ZNF518A: variants seen among roughly 807,000 people sequenced by gnomAD.
ZNF518A encodes zinc finger protein 518.
ZNF518A carries 47 observed loss-of-function variants against 102.7 expected under a neutral mutation model. The observed-to-expected ratio is 0.46, with a 90% confidence interval of 0.36 to 0.58. The LOEUF is 0.58. Ranked by LOEUF, ZNF518A falls within the 20% of genes least tolerant of loss-of-function variation. The pLI, the probability that ZNF518A is intolerant of heterozygous loss-of-function variation, is 0.00. For missense variants in ZNF518A, 1,793 were observed against 1,699.8 expected, an observed-to-expected ratio of 1.05 and a Z score of -0.96; for synonymous variants, 652 against 594.6, an observed-to-expected ratio of 1.10 and a Z score of -1.40.
intron 1 of ZNF518A, among the ~76,000 whole-genome samples, chr10:96,190,801 C>T (rs1554893184): frequency 1.3e-5 from 2 of 152,134 alleles, no homozygotes; most frequent in South Asian, 2.1e-4. Flanking sequence ...TGATCTAAGA[C>T]CTTGGACCTG....
At chr10:96,132,326 C>G (rs1431894818) in intron 1 of ZNF518A, among the ~76,000 whole-genome samples, 1 of 151,624 alleles carries the variant, frequency 6.6e-6, no homozygotes, top group African/African-American at 2.4e-5. Context: ...AGTTTTGTGA[C>G]TTTGGGCAAG....
chr10:96,191,957 TC>T, intron 1 of ZNF518A: 1 of 1,613,536 alleles, frequency 6.2e-7, no homozygotes, highest in Non-Finnish European at 8.5e-7. Context: ...ATGGTATTGA[TC>T]TTTTTTTTCC....
Position 96,141,742 on chromosome 10 carries a change from T to G in ZNF518A, c.-302+8094T>G, listed in dbSNP as rs587630835. On this transcript the variant is annotated intron_variant, in intron 3 of 5. Coordinates refer to ENST00000316045, the MANE Select transcript of ZNF518A (RefSeq NM_001330736.2). ...ATTTAACCCTACATTTCTTTTTTTC[T>G]TCTTCATTTTTTTTTTTTTTTTTGA... is the stretch of plus-strand genomic sequence containing the variant. Among the ~76,000 whole-genome samples the G allele has an allele frequency of 3.9e-5, 5 of 126,618 alleles. No individual in the cohort carries two copies. The East Asian group carries it at 1.3e-3, about 33-fold the overall frequency. 83.1% of individuals were successfully genotyped at this position (126,618 alleles called of 152,430 possible). A position where few individuals can be genotyped will look rare whatever the true frequency, so the allele number is the denominator to read the frequency against.
rs587714307 is a variant in ZNF518A at position 96,157,346 on chromosome 10, G to C, written c.1024G>C (p.Glu342Gln). The change falls in exon 6 of 6, where the codon GAA becomes CAA. Residue 342 changes from glutamate to glutamine, a missense_variant. Physicochemically the swap from Glu to Gln is conservative, Grantham distance 29. Around this residue, in one of 3 missense-constraint regions of ZNF518A, gnomAD observed 1,741 missense variants for 1,622.6 expected, o/e 1.07. Coordinates refer to ENST00000316045, the MANE Select transcript of ZNF518A (RefSeq NM_001330736.2). The stretch of plus-strand genomic sequence containing the variant: ...TAACAGTGGAAGTGACAGAAGTATA[G>C]AAAAGAACACTCAAGTGCTTAAGAA... The part of the protein sequence containing the change: ...KINSGSDRSI[E>Q]KNTQVLKKMN... 5 of 1,610,854 alleles carry C rather than the reference G, an allele frequency of 3.1e-6. No individual in the cohort carries two copies. In the East Asian group the frequency reaches 1.1e-4, roughly 36 times the overall value.
At chr10:96,166,700 G>C (rs2083143347), downstream of ZNF518A, among the ~76,000 whole-genome samples, 1 of 152,124 alleles carries the variant, frequency 6.6e-6, no homozygotes, top group Non-Finnish European at 1.5e-5. Context: ...CCGGGAGGCG[G>C]AACTTGCAGT....
intron 3 of ZNF518A, among the ~76,000 whole-genome samples, chr10:96,152,376 A>G (rs1350423878): frequency 6.6e-6 from 1 of 152,236 alleles, no homozygotes; most frequent in African/African-American, 2.4e-5. Context: ...TAAAAAGAGC[A>G]TTAGCTCATA....
intron 1 of ZNF518A, chr10:96,189,472 C>T: frequency 3.2e-6 from 2 of 630,364 alleles, no homozygotes; most frequent in Non-Finnish European, 5.9e-6. Flanking sequence ...AGAGAACCAC[C>T]TTTTTCTATA....
At chr10:96,148,961 C>T (rs928602548) in intron 3 of ZNF518A, among the ~76,000 whole-genome samples, 6 of 152,184 alleles carry the variant, frequency 3.9e-5, no homozygotes, top group African/African-American at 1.4e-4. Flanking sequence ...GTGATCTGCC[C>T]GCCTCGGCCT....
chr10:96,136,805 C>T (rs1554874629), intron 3 of ZNF518A, among the ~76,000 whole-genome samples: 1 of 152,194 alleles, frequency 6.6e-6, no homozygotes, highest in Non-Finnish European at 1.5e-5. Flanking sequence ...TTCCTATGTC[C>T]TTGCCTACCT....
intron 1 of ZNF518A, among the ~76,000 whole-genome samples, chr10:96,174,675 T>TACATTAGTAA (rs2083192877): frequency 6.6e-6 from 1 of 151,898 alleles, no homozygotes; most frequent in Admixed American, 6.6e-5. Context: ...ACCACAAAAA[T>TACATTAGTAA]TGTAAGAAAA....
chr10:96,201,019 A>AG, intron 1 of ZNF518A: 4 of 1,614,146 alleles, frequency 2.5e-6, no homozygotes, highest in Non-Finnish European at 3.4e-6. Context: ...AAAGCTGGGT[A>AG]GGGGCCCATC....
chr10:96,149,113 A>G (rs1286369898), intron 3 of ZNF518A, among the ~76,000 whole-genome samples: 1 of 152,246 alleles, frequency 6.6e-6, no homozygotes, highest in African/African-American at 2.4e-5. Flanking sequence ...AAATGAAGAC[A>G]TACAAAACAT....
chr10:96,204,732 G>T, downstream of ZNF518A: 2 of 885,830 alleles, frequency 2.3e-6, no homozygotes, highest in Non-Finnish European at 1.8e-6. Context: ...CCGGGAACAT[G>T]TCTTAGTTAC....
chr10:96,139,552 T>C (rs1554875746), intron 3 of ZNF518A, among the ~76,000 whole-genome samples: 1 of 152,138 alleles, frequency 6.6e-6, no homozygotes, highest in African/African-American at 2.4e-5. Flanking sequence ...ATCTTAGACT[T>C]CCTAGGCTTC....
At chr10:96,132,941 T>A (rs1252981479) in intron 2 of ZNF518A, 1 of 152,042 alleles carries the variant, frequency 6.6e-6, no homozygotes, top group East Asian at 2.0e-4. Context: ...AATGAAACCC[T>A]TCTGTTCCCA....
intron 3 of ZNF518A, among the ~76,000 whole-genome samples, chr10:96,142,795 T>G (rs907757846): frequency 6.6e-6 from 1 of 151,764 alleles, no homozygotes; most frequent in Non-Finnish European, 1.5e-5. Context: ...CCGGACCCAA[T>G]GTGTGATTTC....
chr10:96,147,719 T>C (rs927668994), intron 3 of ZNF518A, among the ~76,000 whole-genome samples: 10 of 152,336 alleles, frequency 6.6e-5, no homozygotes, highest in African/African-American at 2.4e-4. Flanking sequence ...TCTGACCTTT[T>C]TTGTTTCTAT....
At chr10:96,191,950 G>A (rs782710142) in intron 1 of ZNF518A, 9 of 1,613,140 alleles carry the variant, frequency 5.6e-6, no homozygotes, top group Non-Finnish European at 7.6e-6. Context: ...TGAAGCAATG[G>A]TATTGATCTT....
rs782649051 is a variant in ZNF518A at position 96,158,140 on chromosome 10, A to G, written c.1818A>G (p.Lys606=). The change falls in exon 6 of 6, where the codon AAA becomes AAG. Residue 606 remains lysine (K), a synonymous_variant. Coordinates refer to ENST00000316045, the MANE Select transcript of ZNF518A (RefSeq NM_001330736.2). ...CAGATAAAGTCAACTGTGTTGCCAAACCAAATGCATACAACAGTGGAGATA... is the reference window on the plus strand; with the variant it reads ...CAGATAAAGTCAACTGTGTTGCCAAGCCAAATGCATACAACAGTGGAGATA... The part of the protein sequence containing the change: ...KSPDKVNCVA[K]PNAYNSGDMH... The G allele has an allele frequency of 1.9e-6, 3 of 1,613,608 alleles. No homozygotes were observed. The highest frequency in any genetic ancestry group is 2.2e-5 in the East Asian group (1 of 44,872).
Sources: gnomAD v4.1 joint callset for allele counts (sites outside exome capture counted in the v4.1 genomes callset) on GRCh38, gnomAD v4.1.1 for gene constraint, gnomAD v4.1.1 regional missense constraint, MANE v1.5 for transcripts, NCBI Gene and HGNC (gene_info 2026-07-23, HGNC 2026-07-21) for gene names.